Variants in PDIA3 observed in about 807,000 individuals in gnomAD.
The protein encoded by PDIA3 is protein disulfide isomerase family A member 3.
PDIA3 carries 16 observed loss-of-function variants against 56.9 expected under a neutral mutation model. That is an observed-to-expected ratio of 0.28 (90% CI 0.19 to 0.43). PDIA3 has a LOEUF of 0.43. Ranked by LOEUF, PDIA3 falls within the 20% of genes least tolerant of loss-of-function variation. PDIA3 has a pLI of 1.00. For missense variants in PDIA3, 485 were observed against 621.3 expected (o/e 0.78, Z 2.33); for synonymous variants, 192 against 216.5 (o/e 0.89, Z 0.99).
rs765707220 is a variant in PDIA3 at position 43,761,403 on chromosome 15, AC to A, written c.365-20del. ...ATTATAAATAAGTTGTGTTGTCATA[AC>A]TTTTATTTTGACTTCTAAGATGGAA... On this transcript the variant is annotated intron_variant, in intron 3 of 12. Transcript: ENST00000300289. 3.0e-6 allele frequency: 4 copies of A among 1,324,260 alleles called. No homozygotes were observed. In the Admixed American group the frequency reaches 5.6e-5, roughly 19 times the overall value. The allele number at this position is 1,324,260 out of a possible 1,614,324, so 82.0% of individuals were successfully genotyped here. A position where few individuals can be genotyped will look rare whatever the true frequency, so the allele number is the denominator to read the frequency against.
intron 8 of PDIA3, 47 bp downstream of exon 8, chr15:43,766,957 C>T: frequency 6.7e-7 from 1 of 1,495,814 alleles, no homozygotes. Context: ...TTATTAAAGC[C>T]TTTTATACTA....
At chr15:43,765,665 A>AT (rs2086843378) in intron 6 of PDIA3, 99 bp downstream of exon 6, 3 of 898,914 alleles carry the variant, frequency 3.3e-6, no homozygotes, top group African/African-American at 3.3e-5. Context: ...TAAACAGTCT[A>AT]TTTGGGGGGA....
At chr15:43,770,164 G>T in intron 10 of PDIA3, 86 bp from the exon 11 acceptor site, 1 of 1,058,432 alleles carries the variant, frequency 9.4e-7, no homozygotes, top group Non-Finnish European at 1.5e-6. Flanking sequence ...TTTGAAGAAT[G>T]AGATTGTTTT....
chr15:43,762,705 G>GA (rs2086824585), intron 4 of PDIA3, among the ~76,000 whole-genome samples: 1 of 152,076 alleles, frequency 6.6e-6, no homozygotes, highest in Non-Finnish European at 1.5e-5. Context: ...TATAGAGAAG[G>GA]AAAAAAATTG....
In PDIA3 at chr15:43,761,466, C is replaced by T; in HGVS notation, c.407C>T (p.Ser136Leu). 1 of 1,607,764 alleles carries T rather than the reference C, an allele frequency of 6.2e-7. No individual in the cohort carries two copies. Among genetic ancestry groups the T allele is most frequent in the Non-Finnish European group, 8.5e-7 (1 of 1,175,148 alleles). The part of the protein sequence containing the change: ...SHLKKQAGPA[S>L]VPLRTEEEFK... ...TTGAAGAAGCAGGCAGGACCAGCTT[C>T]AGTGCCTCTCAGGACTGAGGAAGAA... Residue 136 changes from serine (S) to leucine (L), a missense_variant, in exon 4 of 13, where the codon TCA (serine) becomes TTA (leucine). Transcript: ENST00000300289.
chr15:43,768,378 T>C (rs2086861281), intron 8 of PDIA3, 111 bp from the exon 9 acceptor site: 3 of 694,250 alleles, frequency 4.3e-6, no homozygotes, highest in East Asian at 2.6e-5. Flanking sequence ...AGAGTCCCCC[T>C]TTTTTAGCCT....
chr15:43,764,235 A>G (rs566442535), intron 5 of PDIA3, among the ~76,000 whole-genome samples: 2 of 152,302 alleles, frequency 1.3e-5, no homozygotes, highest in South Asian at 2.1e-4. Context: ...TTTGTGAAGA[A>G]GTCACTGGCA....
intron 6 of PDIA3, 112 bp from the exon 7 acceptor site, chr15:43,765,775 C>A: frequency 1.6e-6 from 2 of 1,218,450 alleles, no homozygotes; most frequent in East Asian, 2.3e-5. Flanking sequence ...AGTACTTGTT[C>A]TAAATGTTTA....
chr15:43,759,412 T>C (rs2086800345), intron 3 of PDIA3, among the ~76,000 whole-genome samples: 1 of 152,246 alleles, frequency 6.6e-6, no homozygotes, highest in Non-Finnish European at 1.5e-5. Context: ...GCTGTGACTT[T>C]TAAGTGAAAC....
intron 1 of PDIA3, chr15:43,751,699 C>A: frequency 7.7e-7 from 1 of 1,303,168 alleles, no homozygotes; most frequent in Non-Finnish European, 1.0e-6. Context: ...ATTTTAGTCC[C>A]AGCCTTGCAG....
intron 3 of PDIA3, among the ~76,000 whole-genome samples, chr15:43,761,066 G>A (rs2086812153): frequency 6.6e-6 from 1 of 150,902 alleles, no homozygotes; most frequent in African/African-American, 2.4e-5. Context: ...GTGAAACCCC[G>A]TCTCTACTAA....
chr15:43,771,402 C>G lies in PDIA3; in HGVS notation c.*184C>G. 1 of 420,196 alleles carries G rather than the reference C, an allele frequency of 2.4e-6. No homozygotes were observed. The allele number at this position is 420,196 out of a possible 1,614,324, so 26.0% of individuals were successfully genotyped here. A position where few individuals can be genotyped will look rare whatever the true frequency, so the allele number is the denominator to read the frequency against. ...TTAGCTGCACTGTTTATGGAAATAC[C>G]AGGACCAGTTTATGTTTGTGGTTTT... On this transcript the variant is annotated 3_prime_UTR_variant, in exon 13 of 13. Transcript: ENST00000300289.
rs887811660 is a variant in PDIA3, at chr15:43,761,574, G to T, written c.472+43G>T. On this transcript the variant is annotated intron_variant, in intron 4 of 12. Coordinates refer to ENST00000300289, the MANE Select transcript of PDIA3 (RefSeq NM_005313.5). The stretch of plus-strand genomic sequence containing the variant: ...AACCGTGCCACAGAATTGTCAGTTT[G>T]GTTTCCAAAACCCTCCATGTCTGGG... 6 of 1,100,852 alleles carry T rather than the reference G, an allele frequency of 5.5e-6. No homozygotes were observed. The Admixed American group carries it at 1.1e-4, about 21-fold the overall frequency. 68.2% of individuals were successfully genotyped at this position (1,100,852 alleles called of 1,614,324 possible).
chr15:43,754,586 G>A (rs1423854880), intron 2 of PDIA3, among the ~76,000 whole-genome samples: 1 of 151,520 alleles, frequency 6.6e-6, no homozygotes, highest in Non-Finnish European at 1.5e-5. Flanking sequence ...AGCTGGGTGT[G>A]TTGGCTCACA....
At chr15:43,768,418 A>T in intron 8 of PDIA3, 71 bp from the exon 9 acceptor site, 1 of 1,163,978 alleles carries the variant, frequency 8.6e-7, no homozygotes, top group South Asian at 1.3e-5. Flanking sequence ...GTAACTATTC[A>T]AAGAAATTGC....
intron 1 of PDIA3, among the ~76,000 whole-genome samples, chr15:43,749,353 T>A (rs1193768321): frequency 6.6e-6 from 1 of 152,156 alleles, no homozygotes; most frequent in African/African-American, 2.4e-5. Context: ...CCTCCCAAAG[T>A]GCTGGGATTA....
At chr15:43,756,802 T>A in intron 3 of PDIA3, 36 bp downstream of exon 3, 1 of 1,092,484 alleles carries the variant, frequency 9.2e-7, no homozygotes, top group Non-Finnish European at 1.4e-6. Context: ...AAACTGATGT[T>A]AAGTACCTTA....
At chr15:43,751,830 A>G (rs1485104675) in intron 1 of PDIA3, 1 of 1,091,864 alleles carries the variant, frequency 9.2e-7, no homozygotes, top group Non-Finnish European at 1.2e-6. Context: ...GTTGACACCT[A>G]CTGGCTTGAC....
In PDIA3 at chr15:43,771,234, C is replaced by T; in HGVS notation, c.*16C>T. On this transcript the variant is annotated 3_prime_UTR_variant, in exon 13 of 13. Transcript: ENST00000300289. ...GGATCTCTAAAGCAGTAGCCAAACA[C>T]CACTTTGTAAAAGGACTCTTCCATC... The T allele has an allele frequency of 1.3e-6, 2 of 1,508,348 alleles. No individual in the cohort carries two copies. The highest frequency in any genetic ancestry group is 1.8e-6 in the Non-Finnish European group (2 of 1,088,280). 93.4% of individuals were successfully genotyped at this position (1,508,348 alleles called of 1,614,324 possible).
Sources: allele counts gnomAD v4.1 joint callset (sites outside exome capture counted in the v4.1 genomes callset), GRCh38; gene constraint gnomAD v4.1.1; transcripts MANE v1.5; gene names NCBI Gene and HGNC (gene_info 2026-07-23, HGNC 2026-07-21).